Variants in POGLUT3 observed in about 807,000 individuals in gnomAD.
POGLUT3 encodes the protein protein O-glucosyltransferase 3.
In POGLUT3, 48 loss-of-function variants were observed where a neutral mutation model predicts 54.3. That is an observed-to-expected ratio of 0.88 (90% CI 0.70 to 1.12). The LOEUF (loss-of-function observed/expected upper bound fraction) is 1.12. Ranked by LOEUF, POGLUT3 falls within the 50% of genes most tolerant of loss-of-function variation. The pLI is 0.00. For missense variants in POGLUT3, 629 were observed against 618.7 expected (o/e 1.02, Z -0.18); for synonymous variants, 218 against 237.4 (o/e 0.92, Z 0.75).
rs1243445827 is a variant in POGLUT3, at chr11:108,498,277, C to G, written c.90G>C (p.Pro30=). 2 of 1,491,814 alleles carry G rather than the reference C, an allele frequency of 1.3e-6. No individual in the cohort carries two copies. The highest frequency in any genetic ancestry group is 2.3e-5 in the Admixed American group (1 of 43,056). 92.4% of individuals were successfully genotyped at this position (1,491,814 alleles called of 1,614,324 possible). Residue 30 remains proline, a synonymous_variant, in exon 1 of 8, where the codon CCG becomes CCC. Transcript: ENST00000323468. ...GCCCGGGCCCCCACACCAGGCTCCG[C>G]GGCGCGCTGACCAGCACCTCCGGGG... is the stretch of plus-strand genomic sequence containing the variant. ...AGAPEVLVSA[P]RSLVWGPGLQ...
intron 3 of POGLUT3, among the ~76,000 whole-genome samples, chr11:108,482,534 G>A (rs930832606): frequency 6.6e-6 from 1 of 152,040 alleles, no homozygotes; most frequent in Non-Finnish European, 1.5e-5. Flanking sequence ...CGAGTGGATC[G>A]TCAGGAGTTC....
intron 3 of POGLUT3, among the ~76,000 whole-genome samples, chr11:108,483,615 AAAAGG>A (rs1419120024): frequency 2.6e-5 from 4 of 152,198 alleles, no homozygotes; most frequent in African/African-American, 9.7e-5. Flanking sequence ...GGCAAAGAAC[AAAAGG>A]AAAGGGCAAG....
rs138414935 is a variant in POGLUT3, at chr11:108,474,848, C to G, written c.1503G>C (p.Lys501Asn). The change falls in exon 8 of 8, where the codon AAG becomes AAC. Residue 501 changes from lysine (K) to asparagine (N), a missense_variant. Physicochemically the swap from Lys to Asn is moderately conservative, Grantham distance 94. Coordinates refer to ENST00000323468, the MANE Select transcript of POGLUT3 (RefSeq NM_153705.5). ...TGACTCAAAGTTCTTCTCTTGAAGG[C>G]TTTTTCCTGTGGCACTGGCAGATGG... ...STAICQCHRK[K>N]PSREEL 6,313 of 1,614,080 alleles carry G rather than the reference C, an allele frequency of 3.9e-3. 59 individuals are homozygous for G. The highest frequency in any genetic ancestry group is 3.1e-3 in the Non-Finnish European group (3,696 of 1,179,996).
At position 108,486,275 on chromosome 11, in the gene POGLUT3, T is replaced by C. The variant is rs777630786; in HGVS notation, c.566A>G (p.Glu189Gly). ...LKEVPKRFGD[E>G]RGAIVHYTIL... ...CGTGTAATGAACAATGGCACCTCTC[T>C]CATCCCCAAACCTTTTGGGGACTTC... Residue 189 changes from glutamate to glycine, a missense_variant, in exon 3 of 8, where the codon GAG becomes GGG. Glu to Gly is a moderately conservative substitution (Grantham distance 98). Transcript: ENST00000323468. The C allele has an allele frequency of 1.7e-4, 272 of 1,614,084 alleles. No homozygotes were observed. Among genetic ancestry groups the C allele is most frequent in the Non-Finnish European group, 2.3e-4 (267 of 1,180,044 alleles).
In POGLUT3 at chr11:108,472,622, C is replaced by T. The variant is rs1335878547; in HGVS notation, c.*2205G>A. ...AATCTGCCTGGTTTGTCTCAACTTG[C>T]TTTTAACTATTAGGCCTGTTTGGCA... On this transcript the variant is annotated 3_prime_UTR_variant, in exon 8 of 8. Transcript: ENST00000323468. 1 of 152,148 alleles carries T rather than the reference C, an allele frequency of 6.6e-6. No individual in the cohort carries two copies. Among genetic ancestry groups the T allele is most frequent in the Non-Finnish European group, 1.5e-5 (1 of 68,032 alleles). The allele number at this position is 152,148 out of a possible 1,614,324, so 9.4% of individuals were successfully genotyped here. A position where few individuals can be genotyped will look rare whatever the true frequency, so the allele number is the denominator to read the frequency against.
chr11:108,486,421 G>A lies in POGLUT3; in HGVS notation c.420C>T (p.Tyr140=), dbSNP rs1013514308. 1 of 1,614,040 alleles carries A rather than the reference G, an allele frequency of 6.2e-7. No homozygotes were observed. Among genetic ancestry groups the A allele is most frequent in the Non-Finnish European group, 8.5e-7 (1 of 1,179,962 alleles). Residue 140 remains tyrosine (Y), a synonymous_variant, in exon 3 of 8, where the codon TAC becomes TAT. Transcript: ENST00000323468. ...YILKGPVYHE[Y]CECPEDPQAW... is the part of the protein sequence containing the mutation. Reference sequence around the variant, plus strand: ...CCTGAGGATCTTCCGGACACTCACAGTACTCATGGTACACTGGTCCTAGGG... The same window carrying A: ...CCTGAGGATCTTCCGGACACTCACAATACTCATGGTACACTGGTCCTAGGG...
Position 108,482,028 on chromosome 11 carries a change from G to A in POGLUT3, c.879C>T (p.Leu293=), listed in dbSNP as rs1414012043. The change falls in exon 4 of 8, where the codon CTC becomes CTT. Residue 293 remains leucine (L), a synonymous_variant. Coordinates refer to ENST00000323468, the MANE Select transcript of POGLUT3 (RefSeq NM_153705.5). ...TACCTGTATTTCCCTGAATAGAGAG[G>A]AGATCATTTGTAACACCCCGCATGG... The part of the protein sequence containing the change: ...LEAMRGVTND[L]LSIQGNTGPS... The A allele has an allele frequency of 3.1e-6, 5 of 1,613,726 alleles. No homozygotes were observed. Among genetic ancestry groups the A allele is most frequent in the Non-Finnish European group, 4.2e-6 (5 of 1,179,690 alleles).
chr11:108,476,976 C>T (rs2135844417), intron 7 of POGLUT3, among the ~76,000 whole-genome samples: 1 of 152,214 alleles, frequency 6.6e-6, no homozygotes, highest in Middle Eastern at 3.4e-3. Flanking sequence ...CTCTGAGGTT[C>T]CAGAACACCT....
rs1367160564 is a variant in POGLUT3 at position 108,491,109 on chromosome 11, T to C, written c.261A>G (p.Ile87Met). Residue 87 changes from isoleucine to methionine, a missense_variant, in exon 2 of 8, where the codon ATA becomes ATG. Transcript: ENST00000323468. The part of the protein sequence containing the change: ...KSLSPKELVR[I>M]HVPKPLDRND... Reference sequence around the variant, plus strand: ...TCCTGTCCAAAGGTTTAGGGACATGTATCCGGACCAACTCTTTAGGTGAAA... The same window carrying C: ...TCCTGTCCAAAGGTTTAGGGACATGCATCCGGACCAACTCTTTAGGTGAAA... The C allele has an allele frequency of 1.2e-6, 2 of 1,614,016 alleles. No homozygotes were observed. Among genetic ancestry groups the C allele is most frequent in the East Asian group, 2.2e-5 (1 of 44,884 alleles).
chr11:108,493,144 G>A (rs1244067196), intron 1 of POGLUT3, among the ~76,000 whole-genome samples: 5 of 152,160 alleles, frequency 3.3e-5, no homozygotes, highest in African/African-American at 4.8e-5. Flanking sequence ...TTCAAAATGC[G>A]TCAATTATTT....
At position 108,477,100 on chromosome 11, in the gene POGLUT3, G is replaced by A. The variant is rs562551085; in HGVS notation, c.1398+507C>T. 1.8e-4 allele frequency among the ~76,000 whole-genome samples: 27 copies of A among 152,084 alleles called. No homozygotes were observed. In the South Asian group the frequency reaches 5.6e-3, roughly 32 times the overall value. On this transcript the variant is annotated intron_variant, in intron 7 of 7. Coordinates refer to ENST00000323468, the MANE Select transcript of POGLUT3 (RefSeq NM_153705.5). Reference sequence around the variant, plus strand: ...GTCGTTTTACATAATATGGAATAAAGATGAAAATATGGAGGCCACGGCTGG... The same window carrying A: ...GTCGTTTTACATAATATGGAATAAAAATGAAAATATGGAGGCCACGGCTGG...
At chr11:108,495,087 T>C (rs2093619852) in intron 1 of POGLUT3, among the ~76,000 whole-genome samples, 1 of 150,546 alleles carries the variant, frequency 6.6e-6, no homozygotes, top group Non-Finnish European at 1.5e-5. Flanking sequence ...TGGATATATG[T>C]AGCATAATAG....
rs776922773 is a variant in POGLUT3, at chr11:108,479,396, A to C, written c.1198T>G (p.Tyr400Asp). Residue 400 changes from tyrosine to aspartate, a missense_variant, in exon 6 of 8, where the codon TAT becomes GAT. Coordinates refer to ENST00000323468, the MANE Select transcript of POGLUT3 (RefSeq NM_153705.5). ...TCTAGTGCCATGTAGAAATGTTCAT[A>C]ATATGGCGAGTCCTGCTTTAAAACC... ...SLVLKQDSPY[Y>D]EHFYMALEPW... is the part of the protein sequence containing the mutation. The C allele has an allele frequency of 6.2e-7, 1 of 1,612,740 alleles. No individual in the cohort carries two copies. The highest frequency in any genetic ancestry group is 8.5e-7 in the Non-Finnish European group (1 of 1,179,694).
At chr11:108,495,743 T>C (rs1000353504) in intron 1 of POGLUT3, among the ~76,000 whole-genome samples, 1 of 151,920 alleles carries the variant, frequency 6.6e-6, no homozygotes, top group African/African-American at 2.4e-5. Context: ...ACTGCAACCT[T>C]GAGCTCCTGG....
At chr11:108,487,843 C>T (rs2093606418) in intron 2 of POGLUT3, among the ~76,000 whole-genome samples, 1 of 152,096 alleles carries the variant, frequency 6.6e-6, no homozygotes, top group Non-Finnish European at 1.5e-5. Flanking sequence ...AACTTCTGAC[C>T]TCAGGTGATC....
intron 3 of POGLUT3, among the ~76,000 whole-genome samples, chr11:108,482,449 T>C (rs1399791022): frequency 6.6e-6 from 1 of 152,098 alleles, no homozygotes; most frequent in African/African-American, 2.4e-5. Flanking sequence ...TGTCCAGAGA[T>C]GCATGTAAAA....
At chr11:108,490,291 G>A (rs1487861200) in intron 2 of POGLUT3, among the ~76,000 whole-genome samples, 3 of 152,036 alleles carry the variant, frequency 2.0e-5, no homozygotes, top group Non-Finnish European at 4.4e-5. Flanking sequence ...TCCACCTCCC[G>A]GGTTCAAGCG....
At position 108,498,183 on chromosome 11, in the gene POGLUT3, G is replaced by T; in HGVS notation, c.184C>A (p.Leu62Ile). The change falls in exon 1 of 8, where the codon CTC becomes ATC. Residue 62 changes from leucine (L) to isoleucine (I), a missense_variant. Coordinates refer to ENST00000323468, the MANE Select transcript of POGLUT3 (RefSeq NM_153705.5). ...ACACTACCTGCGGGAGAGCGAGTGA[G>T]GTTCTGGCCCTCCGAGTTGACCGCC... ...LQAVNSEGQN[L>I]TRSPAGETPF... is the part of the protein sequence containing the mutation. 6.6e-7 allele frequency: 1 copy of T among 1,518,986 alleles called. No individual in the cohort carries two copies. Among genetic ancestry groups the T allele is most frequent in the Non-Finnish European group, 8.8e-7 (1 of 1,135,148 alleles). 94.1% of individuals were successfully genotyped at this position (1,518,986 alleles called of 1,614,324 possible). A position where few individuals can be genotyped will look rare whatever the true frequency, so the allele number is the denominator to read the frequency against.
rs1211979930 is a variant in POGLUT3, at chr11:108,479,440, A to T, written c.1154T>A (p.Leu385His). ...GTVAAYRYPY[L>H]MLGDSLVLKQ... ...TAAAACCAGACTGTCGCCCAGCATG[A>T]GATATGGATATCTGTAAGCAGCCAC... Residue 385 changes from leucine to histidine, a missense_variant, in exon 6 of 8, where the codon CTC (leucine) becomes CAC (histidine). Physicochemically the swap from Leu to His is moderately conservative, Grantham distance 99. Transcript: ENST00000323468. The T allele has an allele frequency of 6.2e-6, 10 of 1,612,584 alleles. No individual in the cohort carries two copies. In the African/African-American group the frequency reaches 1.3e-4, roughly 22 times the overall value.
Sources: gnomAD v4.1 joint callset for allele counts (sites outside exome capture counted in the v4.1 genomes callset) on GRCh38, gnomAD v4.1.1 for gene constraint, MANE v1.5 for transcripts, NCBI Gene and HGNC (gene_info 2026-07-23, HGNC 2026-07-21) for gene names.